The following OR2C3 variants were observed in gnomAD, a reference collection of about 807,000 sequenced individuals.
The protein encoded by OR2C3 is olfactory receptor family 2 subfamily C member 3.
For synonymous variants in OR2C3, 178 were observed against 163.4 expected (o/e 1.09, Z -0.68); for missense variants, 425 against 401.5 (o/e 1.06, Z -0.50).
At position 247,524,683 on chromosome 1, in the gene OR2C3, G is replaced by A. The variant is rs1255408681; in HGVS notation, c.*6866C>T. 6.6e-6 allele frequency: 1 copy of A among 152,020 alleles called. No individual in the cohort carries two copies. The highest frequency in any genetic ancestry group is 1.9e-4 in the East Asian group (1 of 5,194). 9.4% of individuals were successfully genotyped at this position (152,020 alleles called of 1,614,324 possible). On this transcript the variant is annotated 3_prime_UTR_variant, in exon 3 of 3. Coordinates refer to ENST00000641802, the MANE Select transcript of OR2C3 (RefSeq NM_198074.6). ...CAGTCCCACAACTAGAAGGCATAAA[G>A]GCATGATTGATAGTTTATTTAATAC...
In OR2C3 at chr1:247,524,743, A is replaced by G. The variant is rs921539916; in HGVS notation, c.*6806T>C. ...TTAAAACTTTTGTACCACAAAGGAA[A>G]CAAACAAAACATAGCAAAAGGATAA... On this transcript the variant is annotated 3_prime_UTR_variant, in exon 3 of 3. Coordinates refer to ENST00000641802, the MANE Select transcript of OR2C3 (RefSeq NM_198074.6). 6.6e-6 allele frequency: 1 copy of G among 152,066 alleles called. No individual in the cohort carries two copies. The highest frequency in any genetic ancestry group is 1.5e-5 in the Non-Finnish European group (1 of 68,040). 9.4% of individuals were successfully genotyped at this position (152,066 alleles called of 1,614,324 possible).
In OR2C3 at chr1:247,532,430, G is replaced by A; in HGVS notation, c.82C>T (p.Leu28Phe). The change falls in exon 3 of 3, where the codon CTC (leucine) becomes TTC (phenylalanine). Residue 28 changes from leucine to phenylalanine, a missense_variant. Physicochemically the swap from Leu to Phe is conservative, Grantham distance 22 (BLOSUM62 0). Transcript: ENST00000641802. ...TAAAAACTCAAGACAACTATGAAGA[G>A]GACAGTTTCTAGTGAGGGTCGTGTG... ...FSTRPSLETV[L>F]FIVVLSFYMV... The A allele has an allele frequency of 1.2e-6, 2 of 1,614,014 alleles. No homozygotes were observed. Among genetic ancestry groups the A allele is most frequent in the Non-Finnish European group, 1.7e-6 (2 of 1,179,932 alleles).
In OR2C3 at chr1:247,533,849, A is replaced by C. The variant is rs1447441371; in HGVS notation, c.-372T>G. The C allele has an allele frequency of 6.6e-6, 1 of 152,222 alleles. No homozygotes were observed. The highest frequency in any genetic ancestry group is 1.5e-5 in the Non-Finnish European group (1 of 68,044). The allele number at this position is 152,222 out of a possible 1,614,324, so 9.4% of individuals were successfully genotyped here. The stretch of plus-strand genomic sequence containing the variant: ...TGTCAGTTGATTTCTGTGAAATTTC[A>C]GAGGACAAAGGTGAAATTTTCCCTC... On this transcript the variant is annotated 5_prime_UTR_variant, in exon 2 of 3. Transcript: ENST00000641802.
chr1:247,529,790 TA>T lies in OR2C3; in HGVS notation c.*1758del, dbSNP rs1666843134. The T allele has an allele frequency of 6.6e-6, 1 of 151,394 alleles. No homozygotes were observed. Among genetic ancestry groups the T allele is most frequent in the Non-Finnish European group, 1.5e-5 (1 of 67,920 alleles). 9.4% of individuals were successfully genotyped at this position (151,394 alleles called of 1,614,324 possible). On this transcript the variant is annotated 3_prime_UTR_variant, in exon 3 of 3. Coordinates refer to ENST00000641802, the MANE Select transcript of OR2C3 (RefSeq NM_198074.6). ...TCAGTAGACTTTTAGTAAAGCAGAT[TA>T]CCCTTTATAATGTGAGTGGGTCTCA...
At chr1:247,534,595 G>T (rs1452528508) in intron 1 of OR2C3, among the ~76,000 whole-genome samples, 1 of 152,070 alleles carries the variant, frequency 6.6e-6, no homozygotes, top group Non-Finnish European at 1.5e-5. Context: ...AGACCTTTGG[G>T]GCCCTTCTTT....
intron 1 of OR2C3, among the ~76,000 whole-genome samples, chr1:247,534,495 G>A (rs915165734): frequency 3.3e-5 from 5 of 152,326 alleles, no homozygotes; most frequent in Admixed American, 3.3e-4. Context: ...CTCTGCTTTT[G>A]TACAGTTGGA....
At position 247,529,492 on chromosome 1, in the gene OR2C3, A is replaced by G. The variant is rs1398147477; in HGVS notation, c.*2057T>C. On this transcript the variant is annotated 3_prime_UTR_variant, in exon 3 of 3. Coordinates refer to ENST00000641802, the MANE Select transcript of OR2C3 (RefSeq NM_198074.6). ...TAAGCACTGCTTTCCTGCAGGCTGC[A>G]GTGTATGCCCTAAACCTGCAGTCAC... is the stretch of plus-strand genomic sequence containing the variant. 6.6e-6 allele frequency: 1 copy of G among 152,240 alleles called. No individual in the cohort carries two copies. Among genetic ancestry groups the G allele is most frequent in the Admixed American group, 6.5e-5 (1 of 15,282 alleles). The allele number at this position is 152,240 out of a possible 1,614,324, so 9.4% of individuals were successfully genotyped here.
intron 1 of OR2C3, among the ~76,000 whole-genome samples, chr1:247,534,616 A>G (rs180902908): frequency 1.3e-5 from 2 of 152,300 alleles, no homozygotes; most frequent in East Asian, 1.9e-4. Context: ...GCAAAACATT[A>G]ATTCTAGCCT....
Position 247,531,604 on chromosome 1 carries a change from C to G in OR2C3, c.908G>C (p.Arg303Pro), listed in dbSNP as rs141308461. 6.2e-7 allele frequency: 1 copy of G among 1,614,018 alleles called. No individual in the cohort carries two copies. The highest frequency in any genetic ancestry group is 1.3e-5 in the African/African-American group (1 of 74,904). Residue 303 changes from arginine to proline, a missense_variant, in exon 3 of 3, where the codon CGG (arginine) becomes CCG (proline). Transcript: ENST00000641802. ...LRNTEVKSAL[R>P]HMVLENCCGS... ...ACAGCAGTTCTCTAATACCATGTGCCGGAGGGCGCTCTTCACCTCCGTGTT... is the reference window on the plus strand; with the variant it reads ...ACAGCAGTTCTCTAATACCATGTGCGGGAGGGCGCTCTTCACCTCCGTGTT...
Position 247,532,067 on chromosome 1 carries a change from A to T in OR2C3, c.445T>A (p.Ser149Thr). The stretch of plus-strand genomic sequence containing the variant: ...CTGGTGGTCAGACCCCCCAGCCAGG[A>T]GGCCAAAGCTAGCCCAAGGCAAAGC... ...PQLCLGLALA[S>T]WLGGLTTSMV... The change falls in exon 3 of 3, where the codon TCC (serine) becomes ACC (threonine). Residue 149 changes from serine to threonine, a missense_variant. Coordinates refer to ENST00000641802, the MANE Select transcript of OR2C3 (RefSeq NM_198074.6). 6.2e-7 allele frequency: 1 copy of T among 1,614,102 alleles called. No homozygotes were observed. Among genetic ancestry groups the T allele is most frequent in the Non-Finnish European group, 8.5e-7 (1 of 1,179,998 alleles).
Position 247,531,277 on chromosome 1 carries a change from C to T in OR2C3, c.*272G>A. On this transcript the variant is annotated 3_prime_UTR_variant, in exon 3 of 3. Coordinates refer to ENST00000641802, the MANE Select transcript of OR2C3 (RefSeq NM_198074.6). ...CTTCGGATACTGAGGAACAGCTGAA[C>T]AACAACGCAAGGAGTTTACAAAACA... 2.2e-6 allele frequency: 1 copy of T among 445,180 alleles called. No individual in the cohort carries two copies. The highest frequency in any genetic ancestry group is 4.0e-6 in the Non-Finnish European group (1 of 249,252). 27.6% of individuals were successfully genotyped at this position (445,180 alleles called of 1,614,324 possible).
chr1:247,525,950 A>G lies in OR2C3; in HGVS notation c.*5599T>C, dbSNP rs1441312813. ...CCTGGAAACCTGTTGAAGACCAAAT[A>G]TATGCTTCAGAGTATATACATGTGA... On this transcript the variant is annotated 3_prime_UTR_variant, in exon 3 of 3. Transcript: ENST00000641802. 4 of 152,244 alleles carry G rather than the reference A, an allele frequency of 2.6e-5. No individual in the cohort carries two copies. The highest frequency in any genetic ancestry group is 4.4e-5 in the Non-Finnish European group (3 of 68,052). The allele number at this position is 152,244 out of a possible 1,614,324, so 9.4% of individuals were successfully genotyped here. A position where few individuals can be genotyped will look rare whatever the true frequency, so the allele number is the denominator to read the frequency against.
intron 2 of OR2C3, 155 bp from the exon 3 acceptor site, chr1:247,532,695 C>G: frequency 1.6e-6 from 1 of 609,718 alleles, no homozygotes; most frequent in South Asian, 2.1e-5. Context: ...CTCTTGGGAT[C>G]AAGCAATCCT....
rs1666739249 is a variant in OR2C3, at chr1:247,527,700, T to A, written c.*3849A>T. On this transcript the variant is annotated 3_prime_UTR_variant, in exon 3 of 3. Transcript: ENST00000641802. This position sits in a 1 kb window ranked among gnomAD's most constrained non-coding sequence, Gnocchi z 4.6. ...ATGTATAGTGATCAGATAAGTGTGA[T>A]TAGAATATCCATCATCTCAAACATT... 1 of 152,238 alleles carries A rather than the reference T, an allele frequency of 6.6e-6. No homozygotes were observed. Among genetic ancestry groups the A allele is most frequent in the Non-Finnish European group, 1.5e-5 (1 of 68,046 alleles). 9.4% of individuals were successfully genotyped at this position (152,238 alleles called of 1,614,324 possible). A position where few individuals can be genotyped will look rare whatever the true frequency, so the allele number is the denominator to read the frequency against.
rs757783418 is a variant in OR2C3 at position 247,535,828 on chromosome 1, G to A, written c.-402+340C>T. Among the ~76,000 whole-genome samples, 7 of 152,080 alleles carry A rather than the reference G, an allele frequency of 4.6e-5. No homozygotes were observed. The East Asian group carries it at 9.6e-4, about 21-fold the overall frequency. ...AGTAAAGGAAGAGGTTTGCTTACCCGCAGAGATTCACCAAAATTGTCACAA... is the reference window on the plus strand; with the variant it reads ...AGTAAAGGAAGAGGTTTGCTTACCCACAGAGATTCACCAAAATTGTCACAA... On this transcript the variant is annotated intron_variant, in intron 1 of 2. Transcript: ENST00000641802.
At chr1:247,534,970 A>G (rs921603007) in intron 1 of OR2C3, among the ~76,000 whole-genome samples, 1 of 152,098 alleles carries the variant, frequency 6.6e-6, no homozygotes, top group Admixed American at 6.5e-5. Flanking sequence ...GGAAGCATTA[A>G]TACTATGGGA....
chr1:247,534,800 A>T (rs939202545), intron 1 of OR2C3, among the ~76,000 whole-genome samples: 1 of 152,228 alleles, frequency 6.6e-6, no homozygotes. Context: ...ATGTGCATTC[A>T]GTTTTAAAAA....
Position 247,526,595 on chromosome 1 carries a change from C to T in OR2C3, c.*4954G>A, listed in dbSNP as rs375324668. ...AATGTGGCCTGGGTCCTTCACTCTC[C>T]ACATTTCTCAGCTGTGCATGCTGTG... On this transcript the variant is annotated 3_prime_UTR_variant, in exon 3 of 3. Transcript: ENST00000641802. This position sits in a 1 kb window ranked among gnomAD's most constrained non-coding sequence, Gnocchi z 4.8. The T allele has an allele frequency of 1.3e-3, 253 of 196,320 alleles. 1 individual carries two copies. The highest frequency in any genetic ancestry group is 5.7e-3 in the African/African-American group (240 of 42,374). The allele number at this position is 196,320 out of a possible 1,614,324, so 12.2% of individuals were successfully genotyped here.
At position 247,531,532 on chromosome 1, in the gene OR2C3, A is replaced by C; in HGVS notation, c.*17T>G. On this transcript the variant is annotated 3_prime_UTR_variant, in exon 3 of 3. Coordinates refer to ENST00000641802, the MANE Select transcript of OR2C3 (RefSeq NM_198074.6). ...CGATGTAAACTTGATCTTCCTTCTC[A>C]GAAGGCACTGGAGTCTCTAAATTTG... The C allele has an allele frequency of 6.2e-7, 1 of 1,605,628 alleles. No homozygotes were observed. Among genetic ancestry groups the C allele is most frequent in the Non-Finnish European group, 8.5e-7 (1 of 1,174,720 alleles).
Sources: gnomAD v4.1 joint callset for allele counts (sites outside exome capture counted in the v4.1 genomes callset) on GRCh38, gnomAD v4.1.1 for gene constraint, Gnocchi (gnomAD v3.1) non-coding constraint, MANE v1.5 for transcripts, NCBI Gene and HGNC (gene_info 2026-07-23, HGNC 2026-07-21) for gene names.